Variants in FGF12 observed in about 807,000 individuals in gnomAD.
The protein encoded by FGF12 is fibroblast growth factor 12.
A neutral mutation model predicts 23.6 loss-of-function variants in FGF12; 14 were observed. That is an observed-to-expected ratio of 0.59 (90% CI 0.39 to 0.93). The LOEUF (loss-of-function observed/expected upper bound fraction) is 0.93. FGF12 is among the 40% of genes least tolerant of loss of function. The pLI is 0.00. For synonymous variants in FGF12, 62 were observed against 77.3 expected (o/e 0.80, Z 1.04); for missense variants, 175 against 217.8 (o/e 0.80, Z 1.24).
chr3:192,405,245 A>G (rs1434131411), intron 2 of FGF12, among the ~76,000 whole-genome samples: 2 of 151,182 alleles, frequency 1.3e-5, no homozygotes, highest in African/African-American at 2.5e-5. Context: ...TGTTACTGTC[A>G]TTTTAAATCT....
At chr3:192,620,256 ACG>A (rs1714924691) in intron 2 of FGF12, among the ~76,000 whole-genome samples, 3 of 59,604 alleles carry the variant, frequency 5.0e-5, no homozygotes, top group African/African-American at 2.2e-4. Context: ...GCGCGCGCGC[ACG>A]CACACACACA....
intron 4 of FGF12, among the ~76,000 whole-genome samples, chr3:192,331,033 A>G (rs1477722475): frequency 6.6e-6 from 1 of 152,152 alleles, no homozygotes; most frequent in African/African-American, 2.4e-5. Flanking sequence ...AAACAACTCA[A>G]TTAAAAAGTA....
chr3:192,615,448 T>C (rs1218595927), intron 2 of FGF12, among the ~76,000 whole-genome samples: 1 of 151,964 alleles, frequency 6.6e-6, no homozygotes, highest in African/African-American at 2.4e-5. Context: ...CTTGAGAATA[T>C]GTAACTCCAA....
chr3:192,447,887 T>G (rs974907737), intron 2 of FGF12, among the ~76,000 whole-genome samples: 8 of 152,212 alleles, frequency 5.3e-5, no homozygotes, highest in Admixed American at 3.9e-4. Context: ...CTCCTATATG[T>G]CCCTTCTCAG....
intron 4 of FGF12, among the ~76,000 whole-genome samples, chr3:192,316,638 G>A (rs183556949): frequency 6.6e-6 from 1 of 152,154 alleles, no homozygotes; most frequent in Non-Finnish European, 1.5e-5. Flanking sequence ...CCTTGCCACT[G>A]AGGTCCTAAA....
chr3:192,566,912 C>T (rs1013992147), intron 2 of FGF12, among the ~76,000 whole-genome samples: 1 of 152,158 alleles, frequency 6.6e-6, no homozygotes, highest in Non-Finnish European at 1.5e-5. Flanking sequence ...CAAGAGCCGG[C>T]GGCCTAGAGG....
At chr3:192,718,161 CTTTTTTTTT>C (rs71177369) in intron 2 of FGF12, among the ~76,000 whole-genome samples, 1 of 77,970 alleles carries the variant, frequency 1.3e-5, no homozygotes. Flanking sequence ...GTTAGTCTTT[CTTTTTTTTT>C]TTTTTTTTTT....
At chr3:192,655,099 G>T (rs1716353265) in intron 2 of FGF12, among the ~76,000 whole-genome samples, 2 of 152,122 alleles carry the variant, frequency 1.3e-5, no homozygotes, top group African/African-American at 4.8e-5. Context: ...TCTTCTTAAA[G>T]TCCTATTTTG....
intron 2 of FGF12, among the ~76,000 whole-genome samples, chr3:192,639,458 C>A (rs1033696938): frequency 3.9e-5 from 6 of 152,188 alleles, no homozygotes; most frequent in Admixed American, 6.5e-5. Flanking sequence ...TGGGCATACG[C>A]CCCCAAAAAT....
At chr3:192,426,241 G>A (rs963110429) in intron 2 of FGF12, among the ~76,000 whole-genome samples, 2 of 152,122 alleles carry the variant, frequency 1.3e-5, no homozygotes, top group African/African-American at 2.4e-5. Context: ...AAGGAGGGGG[G>A]AAATGGTGCC....
intron 4 of FGF12, among the ~76,000 whole-genome samples, chr3:192,276,366 C>T (rs1348332171): frequency 6.6e-6 from 1 of 152,168 alleles, no homozygotes; most frequent in Non-Finnish European, 1.5e-5. Context: ...TTGTTCAAGT[C>T]ATCATCCAGC....
intron 2 of FGF12, among the ~76,000 whole-genome samples, chr3:192,361,879 T>C (rs1577388897): frequency 6.6e-6 from 1 of 152,274 alleles, no homozygotes; most frequent in Middle Eastern, 3.4e-3. Context: ...GCAAAAGAGA[T>C]GTCAAGAAAA....
At chr3:192,648,253 G>T (rs1249604482) in intron 2 of FGF12, among the ~76,000 whole-genome samples, 1 of 152,018 alleles carries the variant, frequency 6.6e-6, no homozygotes, top group Non-Finnish European at 1.5e-5. Context: ...AATGGCATAA[G>T]ATATAACAGA....
chr3:192,273,882 C>T (rs759439694), intron 4 of FGF12, among the ~76,000 whole-genome samples: 2 of 149,740 alleles, frequency 1.3e-5, no homozygotes, highest in Non-Finnish European at 3.0e-5. Context: ...GGATTTGAGT[C>T]TTCAGGATGT....
chr3:192,489,525 C>T (rs1303085396), intron 2 of FGF12, among the ~76,000 whole-genome samples: 2 of 152,008 alleles, frequency 1.3e-5, no homozygotes, highest in African/African-American at 4.8e-5. Context: ...GCAAGCCAAA[C>T]TTAATAATAC....
At chr3:192,542,914 C>T (rs1277043733) in intron 2 of FGF12, among the ~76,000 whole-genome samples, 4 of 152,118 alleles carry the variant, frequency 2.6e-5, no homozygotes, top group African/African-American at 4.8e-5. Context: ...CACAAATACT[C>T]CTGTTGTCAC....
chr3:192,602,561 T>G (rs911691767), intron 2 of FGF12, among the ~76,000 whole-genome samples: 56 of 152,134 alleles, frequency 3.7e-4, no homozygotes, highest in African/African-American at 1.3e-3. Flanking sequence ...CTCTCAGGCA[T>G]GTACAAGTTG....
At chr3:192,200,497 C>T (rs576077151) in intron 4 of FGF12, among the ~76,000 whole-genome samples, 7 of 150,576 alleles carry the variant, frequency 4.6e-5, no homozygotes, top group Admixed American at 2.0e-4. Context: ...ACATGTAATA[C>T]ATTAAGAAAG....
intron 2 of FGF12, among the ~76,000 whole-genome samples, chr3:192,632,542 T>C (rs1160154629): frequency 1.3e-5 from 2 of 152,224 alleles, no homozygotes; most frequent in Admixed American, 6.5e-5. Context: ...AATGCTTTGG[T>C]TGATGCACAG....
Sources: allele counts gnomAD v4.1 joint callset (sites outside exome capture counted in the v4.1 genomes callset), GRCh38; gene constraint gnomAD v4.1.1; transcripts MANE v1.5; gene names NCBI Gene and HGNC (gene_info 2026-07-23, HGNC 2026-07-21).